DNAJB12: variants seen among roughly 807,000 people sequenced by gnomAD.
DNAJB12 encodes the protein DnaJ heat shock protein family (Hsp40) member B12.
Under a neutral mutation model 40.6 loss-of-function variants are expected in DNAJB12, and 14 were observed. That is an observed-to-expected ratio of 0.34 (90% CI 0.23 to 0.54). DNAJB12 has a LOEUF of 0.54. DNAJB12 is among the 20% of genes least tolerant of loss of function. DNAJB12 has a pLI of 0.92. For synonymous variants in DNAJB12, 181 were observed against 199.5 expected, an observed-to-expected ratio of 0.91 and a Z score of 0.78; for missense variants, 444 against 501.7, an observed-to-expected ratio of 0.89 and a Z score of 1.10.
rs870594 is a variant in DNAJB12 at position 72,335,210 on chromosome 10, G to A, written c.*30+570C>T. On this transcript the variant is annotated intron_variant, in intron 8 of 8. Transcript: ENST00000444643. This position sits in a 1 kb window ranked among gnomAD's most constrained non-coding sequence, Gnocchi z 4.4. ...GTGGTCAGGGCCCGCGGCCCCTGCC[G>A]CCACCAAGACTGCCAGCTCCCACCC... 8,295 of 986,686 alleles carry A rather than the reference G, an allele frequency of 8.4e-3. 54 individuals carry two copies. Among genetic ancestry groups the A allele is most frequent in the Non-Finnish European group, 9.5e-3 (7,850 of 830,458 alleles). 61.1% of individuals were successfully genotyped at this position (986,686 alleles called of 1,614,324 possible).
chr10:72,343,380 G>A lies in DNAJB12; in HGVS notation c.443C>T (p.Thr148Ile). 6.2e-7 allele frequency: 1 copy of A among 1,613,634 alleles called. No individual in the cohort carries two copies. The highest frequency in any genetic ancestry group is 8.5e-7 in the Non-Finnish European group (1 of 1,179,780). The change falls in exon 3 of 9, where the codon ACT (threonine) becomes ATT (isoleucine). Residue 148 changes from threonine to isoleucine, a missense_variant. Transcript: ENST00000444643. Reference protein sequence around the residue: ...HPDKNHAPGATEAFKAIGTAY... With the variant: ...HPDKNHAPGAIEAFKAIGTAY... Reference sequence around the variant, plus strand: ...GGCTGGCTTACCTTTGAAGGCTTCAGTGGCACCAGGTGCGTGGTTCTTGTC... The same window carrying A: ...GGCTGGCTTACCTTTGAAGGCTTCAATGGCACCAGGTGCGTGGTTCTTGTC...
intron 1 of DNAJB12, among the ~76,000 whole-genome samples, chr10:72,349,679 G>A (rs1861886493): frequency 6.6e-6 from 1 of 152,208 alleles, no homozygotes; most frequent in South Asian, 2.1e-4. Flanking sequence ...GCACTAGCCA[G>A]GAGATGGGAC....
chr10:72,354,723 T>G, intron 1 of DNAJB12, 42 bp downstream of exon 1: 8 of 1,409,228 alleles, frequency 5.7e-6, no homozygotes, highest in Non-Finnish European at 7.9e-6. Flanking sequence ...GTTCCCCCCA[T>G]CAGTTCTAAT....
rs1861403652 is a variant in DNAJB12 at position 72,334,305 on chromosome 10, C to T, written c.*343G>A. ...GGGAGGAAAGGCAGCTGGGTGCCCC[C>T]TCCCCCAGCCCTTCCCACTGATATC... On this transcript the variant is annotated 3_prime_UTR_variant, in exon 9 of 9. Transcript: ENST00000444643. 2 of 463,304 alleles carry T rather than the reference C, an allele frequency of 4.3e-6. No individual in the cohort carries two copies. Among genetic ancestry groups the T allele is most frequent in the African/African-American group, 4.1e-5 (2 of 48,296 alleles). The allele number at this position is 463,304 out of a possible 1,614,324, so 28.7% of individuals were successfully genotyped here. A position where few individuals can be genotyped will look rare whatever the true frequency, so the allele number is the denominator to read the frequency against.
rs1861481108 is a variant in DNAJB12 at position 72,336,584 on chromosome 10, T to G, written c.946A>C (p.Asn316His). 1 of 1,614,006 alleles carries G rather than the reference T, an allele frequency of 6.2e-7. No homozygotes were observed. Among genetic ancestry groups the G allele is most frequent in the Non-Finnish European group, 8.5e-7 (1 of 1,180,012 alleles). ...TTGGCGATATAATCATCTTCCACAT[T>G]CCGCTCGACTGTTTTGAGGCTGGAG... The part of the protein sequence containing the change: ...TGSSLKTVER[N>H]VEDDYIANLR... Residue 316 changes from asparagine (N) to histidine (H), a missense_variant, in exon 7 of 9, where the codon AAT (asparagine) becomes CAT (histidine). Coordinates refer to ENST00000444643, the MANE Select transcript of DNAJB12 (RefSeq NM_017626.7).
intron 1 of DNAJB12, among the ~76,000 whole-genome samples, chr10:72,348,548 C>T (rs1054409626): frequency 1.3e-5 from 2 of 152,258 alleles, no homozygotes; most frequent in Non-Finnish European, 2.9e-5. Context: ...ACCAGTGCGA[C>T]CCACTGAGGT....
At chr10:72,336,055 C>A (rs1861466222) in intron 7 of DNAJB12, 124 bp from the exon 8 acceptor site, 1 of 1,239,480 alleles carries the variant, frequency 8.1e-7, no homozygotes, top group East Asian at 2.3e-5. Context: ...CAGGGCTGGC[C>A]TCCCATTAGG....
Position 72,338,244 on chromosome 10 carries a change from TG to T in DNAJB12, c.790del (p.Gln264SerfsTer11). The T allele has an allele frequency of 1.2e-6, 2 of 1,614,104 alleles. No homozygotes were observed. The highest frequency in any genetic ancestry group is 1.7e-6 in the Non-Finnish European group (2 of 1,180,010). On this transcript the variant is annotated frameshift_variant, in exon 6 of 9. Transcript: ENST00000444643. LOFTEE classifies it high-confidence loss of function. ...GTAGGGTGGACTGGAGACCATGAGC[TG>T]GCTGAGAGCTGACACGAGAATCAGG... ...LILILVSALS[Q>X]LMVSSPPYSL...
At chr10:72,348,110 C>T (rs1861844326) in intron 1 of DNAJB12, among the ~76,000 whole-genome samples, 3 of 151,930 alleles carry the variant, frequency 2.0e-5, no homozygotes, top group South Asian at 4.2e-4. Flanking sequence ...GTAATCCCAG[C>T]TACTCGGGAG....
intron 2 of DNAJB12, among the ~76,000 whole-genome samples, chr10:72,343,719 G>C (rs556364915): frequency 6.6e-6 from 1 of 151,996 alleles, no homozygotes; most frequent in East Asian, 1.9e-4. Flanking sequence ...GCAGGACCAC[G>C]GGAAACAGAA....
intron 5 of DNAJB12, among the ~76,000 whole-genome samples, chr10:72,338,606 G>A (rs1464419770): frequency 6.6e-6 from 1 of 151,354 alleles, no homozygotes; most frequent in East Asian, 1.9e-4. Flanking sequence ...GAGAATGGAA[G>A]GCAGGGCTGG....
At position 72,336,590 on chromosome 10, in the gene DNAJB12, C is replaced by T. The variant is rs1861482330; in HGVS notation, c.940G>A (p.Glu314Lys). Residue 314 changes from glutamate (E) to lysine (K), a missense_variant, in exon 7 of 9, where the codon GAG (glutamate) becomes AAG (lysine). Transcript: ENST00000444643. The stretch of plus-strand genomic sequence containing the variant: ...ATATAATCATCTTCCACATTCCGCT[C>T]GACTGTTTTGAGGCTGGAGCCTGTG... ...EYTGSSLKTV[E>K]RNVEDDYIAN... 5 of 1,614,162 alleles carry T rather than the reference C, an allele frequency of 3.1e-6. No individual in the cohort carries two copies. Among genetic ancestry groups the T allele is most frequent in the South Asian group, 1.1e-5 (1 of 91,080 alleles).
In DNAJB12 at chr10:72,332,945, C is replaced by T. The variant is rs1180406418; in HGVS notation, c.*1703G>A. 6.6e-6 allele frequency: 1 copy of T among 152,624 alleles called. No homozygotes were observed. Among genetic ancestry groups the T allele is most frequent in the Non-Finnish European group, 1.5e-5 (1 of 68,042 alleles). 9.5% of individuals were successfully genotyped at this position (152,624 alleles called of 1,614,324 possible). ...ATGTTCTTATTGCACATGGCTCAGC[C>T]CGTCTAGGGACATCTACCAAGACCA... On this transcript the variant is annotated 3_prime_UTR_variant, in exon 9 of 9. Coordinates refer to ENST00000444643, the MANE Select transcript of DNAJB12 (RefSeq NM_017626.7).
intron 3 of DNAJB12, among the ~76,000 whole-genome samples, chr10:72,341,857 C>G (rs1433423511): frequency 2.0e-5 from 3 of 152,204 alleles, no homozygotes; most frequent in Admixed American, 6.5e-5. Context: ...TAAGCTTACA[C>G]AGCTTTAATA....
chr10:72,353,959 A>G (rs1861997023), intron 1 of DNAJB12: 4 of 152,256 alleles, frequency 2.6e-5, no homozygotes, highest in African/African-American at 9.6e-5. Flanking sequence ...AAGAAAAAAG[A>G]AAGGGTTCCC....
rs368590288 is a variant in DNAJB12, at chr10:72,335,975, C to G, written c.1007-44G>C. 12 of 1,608,018 alleles carry G rather than the reference C, an allele frequency of 7.5e-6. No individual in the cohort carries two copies. The highest frequency in any genetic ancestry group is 9.4e-6 in the Non-Finnish European group (11 of 1,175,788). ...GGGTTAGTGCACACCCAGTACCTCC[C>G]GAAGCCTGCAAGGAAGCCTGCGAGG... On this transcript the variant is annotated intron_variant, in intron 7 of 8. Coordinates refer to ENST00000444643, the MANE Select transcript of DNAJB12 (RefSeq NM_017626.7). This position sits in a 1 kb window ranked among gnomAD's most constrained non-coding sequence, Gnocchi z 4.4.
chr10:72,346,570 C>A (rs1399181707), intron 1 of DNAJB12, among the ~76,000 whole-genome samples: 2 of 152,238 alleles, frequency 1.3e-5, no homozygotes, highest in African/African-American at 4.8e-5. Flanking sequence ...AGCAATCCAC[C>A]CATCTCGGCC....
intron 1 of DNAJB12, among the ~76,000 whole-genome samples, chr10:72,345,494 A>G (rs1861760319): frequency 1.3e-5 from 2 of 148,272 alleles, no homozygotes; most frequent in African/African-American, 5.0e-5. Flanking sequence ...TCCAGCTACT[A>G]GGGAGGCAGA....
intron 8 of DNAJB12, 43 bp from the exon 9 acceptor site, chr10:72,334,660 C>CA (rs1861416446): frequency 1.3e-6 from 2 of 1,521,032 alleles, no homozygotes; most frequent in East Asian, 2.5e-5. Flanking sequence ...ATTCAGGCGG[C>CA]ACCGGCTCCT....
Sources: allele counts gnomAD v4.1 joint callset (sites outside exome capture counted in the v4.1 genomes callset), GRCh38; gene constraint gnomAD v4.1.1; non-coding constraint Gnocchi (gnomAD v3.1); transcripts MANE v1.5; gene names NCBI Gene and HGNC (gene_info 2026-07-23, HGNC 2026-07-21).